The following BAZ2B variants were observed in gnomAD, a reference collection of about 807,000 sequenced individuals.
BAZ2B encodes bromodomain adjacent to zinc finger domain 2B, also known as bromodomain adjacent to zinc finger domain protein 2B.
BAZ2B carries 91 observed loss-of-function variants against 246.0 expected under a neutral mutation model. That is an observed-to-expected ratio of 0.37 (90% CI 0.31 to 0.44). The LOEUF is 0.44. Among genes scored for constraint, BAZ2B ranks in the 20% least tolerant of loss-of-function variants. The probability of loss-of-function intolerance (pLI) is 1.00; values close to 1 mark genes in which losing one functional copy is unlikely to be tolerated. For synonymous variants in BAZ2B, 855 were observed against 860.0 expected, an observed-to-expected ratio of 0.99 and a Z score of 0.10; for missense variants, 2,332 against 2,533.7, an observed-to-expected ratio of 0.92 and a Z score of 1.71.
chr2:159,631,132 A>G, the BAZ2B span, among the ~76,000 whole-genome samples: 47,625 of 152,044 alleles, frequency 0.31, 9,394 homozygotes, highest in Admixed American at 0.48. Context: ...GGAGGGCAAA[A>G]CTACAGTGAG....
At chr2:159,580,611 A>G (rs569514719) in intron 1 of BAZ2B, among the ~76,000 whole-genome samples, 1 of 152,236 alleles carries the variant, frequency 6.6e-6, no homozygotes, top group Non-Finnish European at 1.5e-5. Flanking sequence ...TTGCCAAGAC[A>G]ATCCTAAGCC....
At chr2:159,435,187 T>C (rs1417034907) in intron 8 of BAZ2B, 3 of 151,712 alleles carry the variant, frequency 2.0e-5, no homozygotes, top group Non-Finnish European at 1.5e-5. Context: ...ATAAAATACT[T>C]ATAAATATTT....
the BAZ2B span, among the ~76,000 whole-genome samples, chr2:159,671,611 GGTCA>G: frequency 6.6e-6 from 1 of 152,054 alleles, no homozygotes; most frequent in Non-Finnish European, 1.5e-5. Context: ...TCAGAGGCCT[GGTCA>G]GTCAATGAAT....
chr2:159,691,470 A>G, the BAZ2B span, among the ~76,000 whole-genome samples: 1 of 111,548 alleles, frequency 9.0e-6, no homozygotes, highest in African/African-American at 2.9e-5. Flanking sequence ...TAAGAAAATC[A>G]TGAGAGAAAA....
At chr2:159,376,260 G>A in intron 25 of BAZ2B, among the ~76,000 whole-genome samples, 1 of 152,254 alleles carries the variant, frequency 6.6e-6, no homozygotes, top group East Asian at 1.9e-4. Context: ...ACTTTAATAA[G>A]AAGATGCAGG....
At chr2:159,571,094 ACCG>A (rs1189649797) in intron 1 of BAZ2B, among the ~76,000 whole-genome samples, 1 of 151,970 alleles carries the variant, frequency 6.6e-6, no homozygotes, top group African/African-American at 2.4e-5. Flanking sequence ...CTGCAAGTGA[ACCG>A]CCCGCCTTGG....
chr2:159,567,916 G>A (rs981249063), intron 1 of BAZ2B, among the ~76,000 whole-genome samples: 3 of 152,160 alleles, frequency 2.0e-5, no homozygotes, highest in Non-Finnish European at 4.4e-5. Context: ...AGGTTGCCGT[G>A]AGCCAAGATT....
chr2:159,587,782 A>T (rs756669034), intron 1 of BAZ2B, among the ~76,000 whole-genome samples: 4 of 152,226 alleles, frequency 2.6e-5, no homozygotes, highest in Non-Finnish European at 4.4e-5. Flanking sequence ...CAGAAAGAAA[A>T]GTAACCACGT....
At chr2:159,369,242 T>C (rs1376062500) in intron 27 of BAZ2B, among the ~76,000 whole-genome samples, 1 of 152,122 alleles carries the variant, frequency 6.6e-6, no homozygotes, top group Non-Finnish European at 1.5e-5. Context: ...ATTATTATTA[T>C]AATAAACAAG....
intron 13 of BAZ2B, among the ~76,000 whole-genome samples, chr2:159,415,164 C>T (rs1253051501): frequency 2.0e-5 from 3 of 151,696 alleles, no homozygotes; most frequent in East Asian, 1.9e-4. Context: ...AGTGTATCTG[C>T]GGCCGGGCTC....
chr2:159,400,854 C>A (rs1341615433), intron 16 of BAZ2B, among the ~76,000 whole-genome samples, 190 bp from the exon 17 acceptor site: 2 of 152,076 alleles, frequency 1.3e-5, no homozygotes, highest in Non-Finnish European at 2.9e-5. Flanking sequence ...TCCTGGCTAA[C>A]ACAGTGAAAC....
At chr2:159,400,795 C>T (rs1201336761) in intron 16 of BAZ2B, 131 bp from the exon 17 acceptor site, 4 of 500,720 alleles carry the variant, frequency 8.0e-6, no homozygotes, top group South Asian at 2.5e-5. Context: ...AATCCCAGCA[C>T]TTTGGGAGGC....
chr2:159,457,202 A>T (rs2075882548), intron 3 of BAZ2B, among the ~76,000 whole-genome samples: 1 of 152,200 alleles, frequency 6.6e-6, no homozygotes, highest in Non-Finnish European at 1.5e-5. Flanking sequence ...GCCTACAAGG[A>T]TGAGTAAGAC....
intron 10 of BAZ2B, 42 bp from the exon 11 acceptor site, chr2:159,429,302 T>C (rs746653067): frequency 2.6e-6 from 3 of 1,157,446 alleles, no homozygotes; most frequent in Non-Finnish European, 3.6e-6. Flanking sequence ...CATTCATTAA[T>C]ATAAATAATA....
At position 159,542,586 on chromosome 2, in the gene BAZ2B, A is replaced by G. The variant is rs532264628; in HGVS notation, c.-3+13237T>C. Among the ~76,000 whole-genome samples the G allele has an allele frequency of 3.3e-5, 5 of 152,276 alleles. No homozygotes were observed. The East Asian group carries it at 9.6e-4, about 29-fold the overall frequency. ...CAGGAGTTCATGGCTGCCATGAGCTATGATCATACCACTGCAATCCAGCCC... is the reference window on the plus strand; with the variant it reads ...CAGGAGTTCATGGCTGCCATGAGCTGTGATCATACCACTGCAATCCAGCCC... On this transcript the variant is annotated intron_variant, in intron 2 of 36. Transcript: ENST00000392783.
At chr2:159,478,786 T>C (rs1332873153) in intron 2 of BAZ2B, 65 bp from the exon 3 acceptor site, 4 of 1,267,464 alleles carry the variant, frequency 3.2e-6, no homozygotes, top group Non-Finnish European at 1.0e-6. Flanking sequence ...GAATTCAACA[T>C]AAACTTTTTG....
chr2:159,336,031 G>C (rs982326008), intron 33 of BAZ2B, among the ~76,000 whole-genome samples: 2 of 152,048 alleles, frequency 1.3e-5, no homozygotes, highest in Non-Finnish European at 2.9e-5. Flanking sequence ...TATGGTGGTG[G>C]GTGCCTGTAA....
At chr2:159,326,713 G>C (rs1037824135) in intron 34 of BAZ2B, among the ~76,000 whole-genome samples, 1 of 152,094 alleles carries the variant, frequency 6.6e-6, no homozygotes, top group African/African-American at 2.4e-5. Context: ...AGTCATTCTA[G>C]CTCTAGAATT....
chr2:159,679,271 CAAAAA>C, the BAZ2B span, among the ~76,000 whole-genome samples: 3 of 64,464 alleles, frequency 4.7e-5, no homozygotes, highest in African/African-American at 1.1e-4. Flanking sequence ...GACTTCATCT[CAAAAA>C]AAAAAAAAAA....
Sources: allele counts gnomAD v4.1 joint callset (sites outside exome capture counted in the v4.1 genomes callset), GRCh38; gene constraint gnomAD v4.1.1; transcripts MANE v1.5; gene names NCBI Gene and HGNC (gene_info 2026-07-23, HGNC 2026-07-21).